The following MAP4K3 variants were observed in gnomAD, a reference collection of about 807,000 sequenced individuals.
The protein encoded by MAP4K3 is MAPK/ERK kinase kinase kinase 3.
A neutral mutation model predicts 143.5 loss-of-function variants in MAP4K3; 94 were observed. That is an observed-to-expected ratio of 0.65 (90% CI 0.55 to 0.78). The LOEUF is 0.78. Ranked by LOEUF, MAP4K3 falls within the 30% of genes least tolerant of loss-of-function variation. MAP4K3 has a pLI of 0.00. For missense variants in MAP4K3, 1,077 were observed against 1,068.1 expected, an observed-to-expected ratio of 1.01 and a Z score of -0.12; for synonymous variants, 416 against 347.2, an observed-to-expected ratio of 1.20 and a Z score of -2.20.
intron 22 of MAP4K3, among the ~76,000 whole-genome samples, chr2:39,282,074 A>G (rs947238487): frequency 1.3e-5 from 2 of 151,978 alleles, no homozygotes; most frequent in Non-Finnish European, 2.9e-5. Context: ...AGGCACCTAT[A>G]GTCCCAGCTA....
At chr2:39,432,310 T>A (rs544132780) in intron 1 of MAP4K3, among the ~76,000 whole-genome samples, 1 of 152,234 alleles carries the variant, frequency 6.6e-6, no homozygotes, top group African/African-American at 2.4e-5. Flanking sequence ...GGTAATCAGA[T>A]CTGCATCAAA....
At chr2:39,333,491 A>G (rs1391846342) in intron 7 of MAP4K3, 41 bp downstream of exon 7, 1 of 1,484,286 alleles carries the variant, frequency 6.7e-7, no homozygotes, top group Non-Finnish European at 9.4e-7. Context: ...ACTATATCTT[A>G]GAATAGATTT....
At chr2:39,266,786 A>T (rs1680784380) in intron 27 of MAP4K3, among the ~76,000 whole-genome samples, 1 of 152,138 alleles carries the variant, frequency 6.6e-6, no homozygotes, top group African/African-American at 2.4e-5. Flanking sequence ...TTTAGGTGAG[A>T]GGAAGGTGAA....
chr2:39,323,668 C>T (rs1683393746), intron 12 of MAP4K3: 1 of 151,906 alleles, frequency 6.6e-6, no homozygotes, highest in Non-Finnish European at 1.5e-5. Flanking sequence ...AATTAGAAAG[C>T]AATATGACAA....
chr2:39,360,721 C>T (rs1030589392), intron 2 of MAP4K3, among the ~76,000 whole-genome samples: 3 of 152,142 alleles, frequency 2.0e-5, no homozygotes, highest in Non-Finnish European at 4.4e-5. Context: ...TCCTTCTTCA[C>T]ATGGTGGCAG....
chr2:39,302,740 G>T (rs1416315647), intron 15 of MAP4K3, among the ~76,000 whole-genome samples: 1 of 152,228 alleles, frequency 6.6e-6, no homozygotes, highest in African/African-American at 2.4e-5. Context: ...GCATCAACTT[G>T]TTAATGAATG....
chr2:39,336,471 C>CAAAAAAAAAAAAAAA, intron 6 of MAP4K3, among the ~76,000 whole-genome samples: 1 of 38,682 alleles, frequency 2.6e-5, no homozygotes, highest in Admixed American at 4.5e-4. Flanking sequence ...GACTCCATCT[C>CAAAAAAAAAAAAAAA]AAAAAAAAAA....
At chr2:39,389,049 T>C (rs1384878475) in intron 1 of MAP4K3, among the ~76,000 whole-genome samples, 1 of 152,160 alleles carries the variant, frequency 6.6e-6, no homozygotes, top group East Asian at 1.9e-4. Flanking sequence ...AAGTACGCTT[T>C]AAAAGTTTAA....
At chr2:39,337,044 G>A (rs1664989204) in intron 5 of MAP4K3, 77 bp from the exon 6 acceptor site, 2 of 672,426 alleles carry the variant, frequency 3.0e-6, no homozygotes. Context: ...AATCAAATGG[G>A]TAGTATTCTG....
chr2:39,302,826 C>T (rs545215384), intron 15 of MAP4K3, among the ~76,000 whole-genome samples: 13 of 152,306 alleles, frequency 8.5e-5, no homozygotes, highest in Non-Finnish European at 1.3e-4. Context: ...ATTAAAAGTT[C>T]AAGATCGTTA....
At chr2:39,404,419 G>A (rs1256277462) in intron 1 of MAP4K3, among the ~76,000 whole-genome samples, 1 of 152,108 alleles carries the variant, frequency 6.6e-6, no homozygotes, top group Admixed American at 6.5e-5. Flanking sequence ...CAGGTCTTAA[G>A]TGAACATCAG....
chr2:39,257,117 A>C (rs1343098185), intron 31 of MAP4K3, among the ~76,000 whole-genome samples: 1 of 152,226 alleles, frequency 6.6e-6, no homozygotes, highest in Non-Finnish European at 1.5e-5. Flanking sequence ...ACAATGAACT[A>C]ACTGCCTTTA....
intron 15 of MAP4K3, among the ~76,000 whole-genome samples, chr2:39,304,284 G>T (rs1235574318): frequency 2.0e-5 from 3 of 152,060 alleles, no homozygotes. Context: ...AATATGGAAT[G>T]TTTATGTAGC....
intron 1 of MAP4K3, among the ~76,000 whole-genome samples, chr2:39,425,275 A>G (rs1046615133): frequency 6.6e-6 from 1 of 152,190 alleles, no homozygotes; most frequent in African/African-American, 2.4e-5. Context: ...GAAATTATAG[A>G]CTAATCCGAA....
At chr2:39,357,802 G>A (rs946818954) in intron 2 of MAP4K3, among the ~76,000 whole-genome samples, 8 of 152,114 alleles carry the variant, frequency 5.3e-5, no homozygotes, top group African/African-American at 1.7e-4. Context: ...GGTATACTAG[G>A]TACTTTGGAA....
chr2:39,307,862 T>G (rs1329978206), intron 15 of MAP4K3, 81 bp downstream of exon 15: 3 of 1,089,134 alleles, frequency 2.8e-6, no homozygotes, highest in African/African-American at 3.2e-5. Context: ...AATGCTTTAA[T>G]TGGACAAAAT....
intron 1 of MAP4K3, among the ~76,000 whole-genome samples, chr2:39,419,271 A>G (rs1413232890): frequency 6.6e-6 from 1 of 152,176 alleles, no homozygotes; most frequent in Non-Finnish European, 1.5e-5. Flanking sequence ...CTTTACTGCC[A>G]GACAAAATAA....
At chr2:39,271,659 A>G (rs1269230775) in intron 26 of MAP4K3, among the ~76,000 whole-genome samples, 1 of 152,206 alleles carries the variant, frequency 6.6e-6, no homozygotes, top group African/African-American at 2.4e-5. Flanking sequence ...TGGCATGATC[A>G]TAGCTCACTG....
intron 8 of MAP4K3, 130 bp downstream of exon 8, chr2:39,331,786 TG>T: frequency 2.0e-6 from 1 of 509,082 alleles, no homozygotes; most frequent in Non-Finnish European, 3.5e-6. Flanking sequence ...TGTACATGCC[TG>T]AATTACTTTG....
Sources: gnomAD v4.1 joint callset for allele counts (sites outside exome capture counted in the v4.1 genomes callset) on GRCh38, gnomAD v4.1.1 for gene constraint, MANE v1.5 for transcripts, NCBI Gene and HGNC (gene_info 2026-07-23, HGNC 2026-07-21) for gene names.